Variants in RALGAPA1 observed in about 807,000 individuals in gnomAD.
RALGAPA1 encodes the protein Ral GTPase activating protein catalytic subunit alpha 1, also known as ral GTPase-activating protein subunit alpha-1.
A neutral mutation model predicts 269.6 loss-of-function variants in RALGAPA1; 52 were observed. That is an observed-to-expected ratio of 0.19 (90% CI 0.15 to 0.24). The LOEUF is 0.24. Ranked by LOEUF, RALGAPA1 falls within the 10% of genes least tolerant of loss-of-function variation. The pLI is 1.00. For synonymous variants in RALGAPA1, 817 were observed against 1,008.3 expected (o/e 0.81, Z 3.60); for missense variants, 1,917 against 3,013.9 (o/e 0.64, Z 8.52).
At chr14:35,658,043 GACTTACTGTTA>G (rs2063312816) in intron 28 of RALGAPA1, among the ~76,000 whole-genome samples, 1 of 152,090 alleles carries the variant, frequency 6.6e-6, no homozygotes, top group African/African-American at 2.4e-5. Flanking sequence ...CATTATCAGA[GACTTACTGTTA>G]ACTTTCTAAG....
Position 35,742,356 on chromosome 14 carries a change from T to C in RALGAPA1, c.1449+12A>G. On this transcript the variant is annotated intron_variant, in intron 11 of 41. Coordinates refer to ENST00000680220, the MANE Select transcript of RALGAPA1 (RefSeq NM_001346249.2). Reference sequence around the variant, plus strand: ...AGACTAACACTAAAATATATAAATCTTATAACTTCACCTCTTCTCTTTTTT... The same window carrying C: ...AGACTAACACTAAAATATATAAATCCTATAACTTCACCTCTTCTCTTTTTT... The C allele has an allele frequency of 6.4e-7, 1 of 1,556,014 alleles. No individual in the cohort carries two copies. The highest frequency in any genetic ancestry group is 1.2e-5 in the South Asian group (1 of 85,706).
At chr14:35,742,268 C>A (rs1024163270) in intron 11 of RALGAPA1, 100 bp downstream of exon 11, 1 of 891,022 alleles carries the variant, frequency 1.1e-6, no homozygotes, top group East Asian at 2.7e-5. Context: ...TCTTTATCTT[C>A]CCATTTAATA....
intron 7 of RALGAPA1, 47 bp downstream of exon 7, chr14:35,756,746 C>T: frequency 8.0e-7 from 1 of 1,257,466 alleles, no homozygotes; most frequent in Non-Finnish European, 1.1e-6. Context: ...AGGGAATCAC[C>T]CACATAGGAT....
chr14:35,787,480 G>A (rs1483710327), intron 1 of RALGAPA1, among the ~76,000 whole-genome samples: 1 of 152,126 alleles, frequency 6.6e-6, no homozygotes, highest in Non-Finnish European at 1.5e-5. Context: ...TTTTAGGTTT[G>A]GGTGGAGAAG....
Position 35,723,216 on chromosome 14 carries a change from G to T in RALGAPA1, c.1915C>A (p.Arg639=). Residue 639 remains arginine (R), a synonymous_variant, in exon 15 of 42, where the codon CGA becomes AGA. Coordinates refer to ENST00000680220, the MANE Select transcript of RALGAPA1 (RefSeq NM_001346249.2). The part of the protein sequence containing the change: ...IKANLNVYIS[R]ELWDDLLSVL... ...GACAGTAAGTCATCCCAAAGTTCTC[G>T]GGAGATGTACACATTTAGGTTTGCT... is the stretch of plus-strand genomic sequence containing the variant. 6.2e-7 allele frequency: 1 copy of T among 1,613,294 alleles called. No individual in the cohort carries two copies. Among genetic ancestry groups the T allele is most frequent in the Non-Finnish European group, 8.5e-7 (1 of 1,179,462 alleles).
At chr14:35,603,015 G>C (rs972425831) in intron 36 of RALGAPA1, among the ~76,000 whole-genome samples, 1 of 152,190 alleles carries the variant, frequency 6.6e-6, no homozygotes, top group African/African-American at 2.4e-5. Context: ...CCATTGGATG[G>C]TTGTGGCACC....
chr14:35,693,472 T>C (rs1567021000), intron 17 of RALGAPA1, among the ~76,000 whole-genome samples: 1 of 151,846 alleles, frequency 6.6e-6, no homozygotes, highest in Non-Finnish European at 1.5e-5. Context: ...TAAAATTTTA[T>C]ATATTTTTCT....
chr14:35,671,294 A>C (rs1485761316), intron 26 of RALGAPA1, 95 bp downstream of exon 26: 27 of 1,195,900 alleles, frequency 2.3e-5, no homozygotes, highest in African/African-American at 3.1e-5. Flanking sequence ...TAAATTGCAA[A>C]ATTTCCTGAT....
chr14:35,691,070 AAATAAT>A (rs745623427), intron 17 of RALGAPA1, among the ~76,000 whole-genome samples: 1 of 149,358 alleles, frequency 6.7e-6, no homozygotes, highest in Admixed American at 6.7e-5. Flanking sequence ...ACTCCGTCTC[AAATAAT>A]AATAATAATA....
At chr14:35,621,270 C>A (rs1165103127) in intron 35 of RALGAPA1, among the ~76,000 whole-genome samples, 2 of 152,110 alleles carry the variant, frequency 1.3e-5, no homozygotes, top group Non-Finnish European at 2.9e-5. Context: ...GGAAAGGATT[C>A]CCTATTTAAT....
chr14:35,748,969 T>A (rs560696807), intron 9 of RALGAPA1, 145 bp from the exon 10 acceptor site: 48 of 1,325,716 alleles, frequency 3.6e-5, no homozygotes, highest in Admixed American at 2.6e-4. Context: ...GGCATAGAGT[T>A]TCATTTAAAA....
chr14:35,610,822 T>C (rs1385008743), intron 35 of RALGAPA1, among the ~76,000 whole-genome samples: 1 of 152,140 alleles, frequency 6.6e-6, no homozygotes, highest in African/African-American at 2.4e-5. Context: ...AAAACTGATG[T>C]TCCATACACT....
At chr14:35,731,623 T>C (rs909727047) in intron 12 of RALGAPA1, among the ~76,000 whole-genome samples, 7 of 152,152 alleles carry the variant, frequency 4.6e-5, no homozygotes, top group African/African-American at 7.2e-5. Flanking sequence ...ATTGAACAAG[T>C]AGAAGAAAGA....
At chr14:35,745,778 A>AG (rs1207174998) in intron 10 of RALGAPA1, among the ~76,000 whole-genome samples, 1 of 147,370 alleles carries the variant, frequency 6.8e-6, no homozygotes, top group East Asian at 2.0e-4. Flanking sequence ...AAAAAAAAAA[A>AG]AAAAAAAAAG....
chr14:35,751,259 C>T (rs901537078), intron 8 of RALGAPA1, among the ~76,000 whole-genome samples: 1 of 152,148 alleles, frequency 6.6e-6, no homozygotes, highest in Non-Finnish European at 1.5e-5. Context: ...TACTTTTGCA[C>T]CAATCTATAT....
rs940937851 is a variant in RALGAPA1, at chr14:35,627,120, C to T, written c.6827G>A (p.Ser2276Asn). The stretch of plus-strand genomic sequence containing the variant: ...GTCCCAGGAATTCATTCCCAATATA[C>T]TAAGAAGCAATCTGCAATAATAAAA... ...SAFYYCRLLLSILGMNSWDKR... is the reference protein window; with the variant it reads ...SAFYYCRLLLNILGMNSWDKR... Residue 2276 changes from serine (S) to asparagine (N), a missense_variant, in exon 34 of 42, where the codon AGT becomes AAT. Ser to Asn is a conservative substitution (Grantham distance 46). Coordinates refer to ENST00000680220, the MANE Select transcript of RALGAPA1 (RefSeq NM_001346249.2). The T allele has an allele frequency of 2.6e-6, 4 of 1,554,342 alleles. No individual in the cohort carries two copies. Among genetic ancestry groups the T allele is most frequent in the Admixed American group, 4.2e-5 (2 of 47,542 alleles).
At chr14:35,719,952 G>C (rs185213090) in intron 16 of RALGAPA1, among the ~76,000 whole-genome samples, 32 of 152,128 alleles carry the variant, frequency 2.1e-4, no homozygotes, top group African/African-American at 6.0e-4. Context: ...CGGGGTTTCA[G>C]CATGTTGGTC....
At chr14:35,594,980 C>T (rs2058843129) in intron 37 of RALGAPA1, among the ~76,000 whole-genome samples, 1 of 151,854 alleles carries the variant, frequency 6.6e-6, no homozygotes, top group Non-Finnish European at 1.5e-5. Flanking sequence ...GGAGATTCTG[C>T]CACTTGCTAC....
chr14:35,616,280 T>C (rs1333311235), intron 35 of RALGAPA1, among the ~76,000 whole-genome samples: 1 of 152,110 alleles, frequency 6.6e-6, no homozygotes, highest in South Asian at 2.1e-4. Context: ...GAGATACCTA[T>C]GTTATGAAGG....
Sources: allele counts gnomAD v4.1 joint callset (sites outside exome capture counted in the v4.1 genomes callset), GRCh38; gene constraint gnomAD v4.1.1; transcripts MANE v1.5; gene names NCBI Gene and HGNC (gene_info 2026-07-23, HGNC 2026-07-21).